The following PNMA3 variants were observed in gnomAD, a reference collection of about 807,000 sequenced individuals.
The protein encoded by PNMA3 is PNMA family member 3, also known as paraneoplastic antigen Ma3.
A neutral mutation model predicts 25.1 loss-of-function variants in PNMA3; 10 were observed. The ratio of observed to expected loss-of-function variants is 0.40; its 90% confidence interval spans 0.25 to 0.68. PNMA3 has a LOEUF of 0.68. Ranked by LOEUF, PNMA3 falls within the 30% of genes least tolerant of loss-of-function variation. The pLI, the probability that PNMA3 is intolerant of heterozygous loss-of-function variation, is 0.40. For missense variants in PNMA3, 317 were observed against 372.1 expected (o/e 0.85, Z 1.22); for synonymous variants, 134 against 148.7 (o/e 0.90, Z 0.72).
In PNMA3 at chrX:153,057,442, T is replaced by C. The variant is rs913924404; in HGVS notation, c.387T>C (p.Asn129=). ...DMNRVLGSDT[N]CSAPRVTISP... ...ACCGAGTCCTCGGGTCGGACACCAA[T>C]TGTTCGGCTCCAAGAGTGACTATAT... Residue 129 remains asparagine (N), a synonymous_variant, in exon 2 of 2, where the codon AAT becomes AAC. Transcript: ENST00000593810. 6.6e-6 allele frequency: 8 copies of C among 1,210,279 alleles called. No individual in the cohort carries two copies. Among genetic ancestry groups the C allele is most frequent in the Admixed American group, 2.2e-5 (1 of 46,027 alleles).
chrX:153,056,709 A>C, intron 1 of PNMA3, 71 bp downstream of exon 1: 2 of 158,427 alleles, frequency 1.3e-5, no homozygotes, highest in Non-Finnish European at 2.4e-5. Flanking sequence ...TGTCCGCCCT[A>C]TCAGAACTGA....
At position 153,057,882 on chromosome X, in the gene PNMA3, A is replaced by G. The variant is rs782675906; in HGVS notation, c.827A>G (p.Gln276Arg). The G allele has an allele frequency of 1.6e-6, 2 of 1,212,613 alleles. No homozygotes were observed. Among genetic ancestry groups the G allele is most frequent in the South Asian group, 1.8e-5 (1 of 57,042 alleles). Residue 276 changes from glutamine (Q) to arginine (R), a missense_variant, in exon 2 of 2, where the codon CAA becomes CGA. Coordinates refer to ENST00000593810, the MANE Select transcript of PNMA3 (RefSeq NM_013364.6). ...SFVLRLEPLL[Q>R]RAVENNVVSR... ...GTGTTACGTTTGGAACCCCTGCTCC[A>G]AAGAGCTGTAGAAAACAATGTGGTA...
Position 153,057,392 on chromosome X carries a change from G to A in PNMA3, c.337G>A (p.Glu113Lys). 1 of 1,212,038 alleles carries A rather than the reference G, an allele frequency of 8.3e-7. No individual in the cohort carries two copies. Among genetic ancestry groups the A allele is most frequent in the Non-Finnish European group, 1.1e-6 (1 of 895,536 alleles). Residue 113 changes from glutamate (E) to lysine (K), a missense_variant, in exon 2 of 2, where the codon GAG (glutamate) becomes AAG (lysine). Physicochemically the swap from Glu to Lys is moderately conservative, Grantham distance 56. Coordinates refer to ENST00000593810, the MANE Select transcript of PNMA3 (RefSeq NM_013364.6). ...LNRLNRFLEE[E>K]RRTVSDMNRV... ...CAGACTGAACCGCTTCTTAGAGGAG[G>A]AGAGGCGGACCGTGTCAGATATGAA...
At position 153,057,022 on chromosome X, in the gene PNMA3, C is replaced by A. The variant is rs73244173; in HGVS notation, c.-34C>A. 0.39 allele frequency: 463,167 copies of A among 1,187,827 alleles called. 67,605 individuals are homozygous for A. The highest frequency in any genetic ancestry group is 0.44 in the Non-Finnish European group (389,777 of 883,749). On this transcript the variant is annotated 5_prime_UTR_variant, in exon 2 of 2. Coordinates refer to ENST00000593810, the MANE Select transcript of PNMA3 (RefSeq NM_013364.6). ...ATATGTGCCTCACGCCCTGATCACT[C>A]CCCCCAAATTAGTATCCGCAGAGAT...
In PNMA3 at chrX:153,058,688, G is replaced by A; in HGVS notation, c.*241G>A. 1 of 991,353 alleles carries A rather than the reference G, an allele frequency of 1.0e-6. No individual in the cohort carries two copies. Among genetic ancestry groups the A allele is most frequent in the African/African-American group, 1.9e-5 (1 of 52,478 alleles). The allele number at this position is 991,353 out of a possible 1,213,427, so 81.7% of individuals were successfully genotyped here. The stretch of plus-strand genomic sequence containing the variant: ...TCCAGGTCCCCGAAGAGGTGCTGGA[G>A]AGGAAAGCAGGGAGCCACTGCATCC... On this transcript the variant is annotated 3_prime_UTR_variant, in exon 2 of 2. Coordinates refer to ENST00000593810, the MANE Select transcript of PNMA3 (RefSeq NM_013364.6).
Position 153,057,190 on chromosome X carries a change from C to G in PNMA3, c.135C>G (p.His45Gln). Residue 45 changes from histidine (H) to glutamine (Q), a missense_variant, in exon 2 of 2, where the codon CAC (histidine) becomes CAG (glutamine). Physicochemically the swap from His to Gln is conservative, Grantham distance 24 (BLOSUM62 0). Transcript: ENST00000593810. ...AGACACTCCAGGAGGCTTGCAGGCA[C>G]CTGGGCAGATACAGGGTGATTGGCA... is the stretch of plus-strand genomic sequence containing the variant. ...FEETLQEACR[H>Q]LGRYRVIGRM... 1 of 1,211,637 alleles carries G rather than the reference C, an allele frequency of 8.3e-7. No homozygotes were observed. The highest frequency in any genetic ancestry group is 1.1e-6 in the Non-Finnish European group (1 of 895,495).
chrX:153,057,775 C>T lies in PNMA3; in HGVS notation c.720C>T (p.Phe240=), dbSNP rs376776291. ...GCCTGGCTGCCTTGCAGCAGGTGTT[C>T]GGACCTGTGGAGAGCCATAAAATTG... ...EECLAALQQV[F]GPVESHKIAQ... is the part of the protein sequence containing the mutation. Residue 240 remains phenylalanine (F), a synonymous_variant, in exon 2 of 2, where the codon TTC becomes TTT. Transcript: ENST00000593810. 3.9e-5 allele frequency: 47 copies of T among 1,210,999 alleles called. No homozygotes were observed. Among genetic ancestry groups the T allele is most frequent in the Non-Finnish European group, 4.9e-5 (44 of 895,430 alleles).
rs2051152264 is a variant in PNMA3, at chrX:153,057,580, A to G, written c.525A>G (p.Pro175=). ...RVFSGNTISI[P]GALAFDAWLE... is the part of the protein sequence containing the mutation. ...TTTCTGGGAACACCATATCCATCCC[A>G]GGTGCACTGGCCTTTGATGCCTGGC... Residue 175 remains proline, a synonymous_variant, in exon 2 of 2, where the codon CCA becomes CCG. Transcript: ENST00000593810. 2 of 1,211,577 alleles carry G rather than the reference A, an allele frequency of 1.7e-6. No homozygotes were observed. The highest frequency in any genetic ancestry group is 1.1e-6 in the Non-Finnish European group (1 of 895,484).
chrX:153,059,075 C>T lies in PNMA3; in HGVS notation c.*628C>T, dbSNP rs939417566. Reference sequence around the variant, plus strand: ...GTGAGGACAGGAGACCCTAAGGCCCCGGGAGCCCAGTGCCAGCCAGAGGTT... The same window carrying T: ...GTGAGGACAGGAGACCCTAAGGCCCTGGGAGCCCAGTGCCAGCCAGAGGTT... On this transcript the variant is annotated 3_prime_UTR_variant, in exon 2 of 2. Transcript: ENST00000593810. 5.4e-5 allele frequency: 7 copies of T among 129,168 alleles called. No individual in the cohort carries two copies. The highest frequency in any genetic ancestry group is 1.1e-4 in the Non-Finnish European group (6 of 56,818). 10.6% of individuals were successfully genotyped at this position (129,168 alleles called of 1,213,427 possible). A position where few individuals can be genotyped will look rare whatever the true frequency, so the allele number is the denominator to read the frequency against.
rs781819131 is a variant in PNMA3 at position 153,058,186 on chromosome X, G to A, written c.1131G>A (p.Ala377=). The A allele has an allele frequency of 1.1e-5, 13 of 1,210,789 alleles. No individual in the cohort carries two copies. The East Asian group carries it at 1.5e-4, about 14-fold the overall frequency. ...CTGCCTCTGGCAACAGTTTTGATGC[G>A]AGGCCTTCCCAGGGCTACCGGCGCC... The part of the protein sequence containing the change: ...PLPASGNSFD[A]RPSQGYRRRR... The change falls in exon 2 of 2, where the codon GCG becomes GCA. Residue 377 remains alanine (A), a synonymous_variant. Transcript: ENST00000593810.
chrX:153,059,232 G>GGAA lies in PNMA3; in HGVS notation c.*786_*788dup, dbSNP rs2051165585. On this transcript the variant is annotated 3_prime_UTR_variant, in exon 2 of 2. Coordinates refer to ENST00000593810, the MANE Select transcript of PNMA3 (RefSeq NM_013364.6). Reference sequence around the variant, plus strand: ...GGGAAGTCTTTGTTGCAAAGGAGGAGGAAAAGGGAGGACTTGGTAGGGTTT... The same window carrying GGAA: ...GGGAAGTCTTTGTTGCAAAGGAGGAGGAAGAAAAGGGAGGACTTGGTAGGGTTT... 1 of 121,825 alleles carries GGAA rather than the reference G, an allele frequency of 8.2e-6. No individual in the cohort carries two copies. The highest frequency in any genetic ancestry group is 3.3e-5 in the African/African-American group (1 of 30,056). 10.0% of individuals were successfully genotyped at this position (121,825 alleles called of 1,213,427 possible).
Position 153,058,730 on chromosome X carries a change from G to A in PNMA3, c.*283G>A. Reference sequence around the variant, plus strand: ...ACTGCATCCAGCACATGGGGTGCCTGGGCCTCAGATGGGGACCCCAAAGAA... The same window carrying A: ...ACTGCATCCAGCACATGGGGTGCCTAGGCCTCAGATGGGGACCCCAAAGAA... On this transcript the variant is annotated 3_prime_UTR_variant, in exon 2 of 2. Transcript: ENST00000593810. 1.4e-6 allele frequency: 1 copy of A among 719,272 alleles called. No individual in the cohort carries two copies. The highest frequency in any genetic ancestry group is 2.0e-6 in the Non-Finnish European group (1 of 494,598). 59.3% of individuals were successfully genotyped at this position (719,272 alleles called of 1,213,427 possible).
chrX:153,057,631 G>T lies in PNMA3; in HGVS notation c.576G>T (p.Gln192His). 2.5e-6 allele frequency: 3 copies of T among 1,211,653 alleles called. No homozygotes were observed. The highest frequency in any genetic ancestry group is 3.4e-6 in the Non-Finnish European group (3 of 895,465). ...AWLEHTTEMLQMWQVPEGEKR... is the reference protein window; with the variant it reads ...AWLEHTTEMLHMWQVPEGEKR... ...TTGAGCACACCACTGAGATGCTACA[G>T]ATGTGGCAGGTGCCCGAGGGGGAAA... The change falls in exon 2 of 2, where the codon CAG (glutamine) becomes CAT (histidine). Residue 192 changes from glutamine (Q) to histidine (H), a missense_variant. By Grantham distance (24) the Gln-to-His change is conservative (BLOSUM62 0). Transcript: ENST00000593810.
Position 153,057,122 on chromosome X carries a change from A to G in PNMA3, c.67A>G (p.Ile23Val). ...EHLNTRRCML[I>V]LGIPEDCGED... ...CCTGAACACCCGGAGGTGCATGCTC[A>G]TCCTGGGGATCCCCGAGGACTGTGG... The change falls in exon 2 of 2, where the codon ATC becomes GTC. Residue 23 changes from isoleucine to valine, a missense_variant. Transcript: ENST00000593810. 2 of 1,211,708 alleles carry G rather than the reference A, an allele frequency of 1.7e-6. No individual in the cohort carries two copies.
chrX:153,056,555 T>TCCGCCG lies in PNMA3; in HGVS notation c.-173_-168dup, dbSNP rs1205578695. On this transcript the variant is annotated 5_prime_UTR_variant, in exon 1 of 2. Coordinates refer to ENST00000593810, the MANE Select transcript of PNMA3 (RefSeq NM_013364.6). ...GGGAGCCAGGGGTGCCCGACCCCCGTCCGCCGCCGCCGCCGCCGCCGCGCA... is the reference window on the plus strand; with the variant it reads ...GGGAGCCAGGGGTGCCCGACCCCCGTCCGCCGCCGCCGCCGCCGCCGCCGCCGCGCA... The TCCGCCG allele has an allele frequency of 7.4e-5, 9 of 121,939 alleles. No homozygotes were observed. Among genetic ancestry groups the TCCGCCG allele is most frequent in the South Asian group, 2.6e-4 (1 of 3,866 alleles). The allele number at this position is 121,939 out of a possible 1,213,427, so 10.0% of individuals were successfully genotyped here.
In PNMA3 at chrX:153,057,227, A is replaced by C. The variant is rs1235034270; in HGVS notation, c.172A>C (p.Arg58=). 2 of 1,211,614 alleles carry C rather than the reference A, an allele frequency of 1.7e-6. No individual in the cohort carries two copies. The highest frequency in any genetic ancestry group is 1.1e-6 in the Non-Finnish European group (1 of 895,478). The change falls in exon 2 of 2, where the codon AGG becomes CGG. Residue 58 remains arginine, a synonymous_variant. Coordinates refer to ENST00000593810, the MANE Select transcript of PNMA3 (RefSeq NM_013364.6). ...CAGGGTGATTGGCAGGATGTTTAGG[A>C]GGGAGGAGAACGCCCAGGCGATTCT... ...RYRVIGRMFR[R]EENAQAILLE...
chrX:153,056,904 G>A (rs782698430), intron 1 of PNMA3, 46 bp from the exon 2 acceptor site: 3 of 759,381 alleles, frequency 4.0e-6, no homozygotes, highest in South Asian at 7.1e-5. Flanking sequence ...GTGGGCGTGC[G>A]GAGAGGTGGG....
chrX:153,058,818 C>T lies in PNMA3; in HGVS notation c.*371C>T, dbSNP rs1483945753. 2 of 414,398 alleles carry T rather than the reference C, an allele frequency of 4.8e-6. No homozygotes were observed. The highest frequency in any genetic ancestry group is 4.2e-5 in the Admixed American group (1 of 23,784). The allele number at this position is 414,398 out of a possible 1,213,427, so 34.2% of individuals were successfully genotyped here. A position where few individuals can be genotyped will look rare whatever the true frequency, so the allele number is the denominator to read the frequency against. ...TGCTCATCCAACCACCCCTAAATACCCACCCTGTGGACTTTGAGCTGAACA... is the reference window on the plus strand; with the variant it reads ...TGCTCATCCAACCACCCCTAAATACTCACCCTGTGGACTTTGAGCTGAACA... On this transcript the variant is annotated 3_prime_UTR_variant, in exon 2 of 2. Transcript: ENST00000593810.
At chrX:153,056,921 CCTCGCT>C (rs1556931989) in intron 1 of PNMA3, 23 bp from the exon 2 acceptor site, 1 of 917,146 alleles carries the variant, frequency 1.1e-6, no homozygotes, top group Non-Finnish European at 1.5e-6. Flanking sequence ...TGGGCATTAA[CCTCGCT>C]CTCGCCCTGC....
Sources: allele counts gnomAD v4.1 joint callset, GRCh38; gene constraint gnomAD v4.1.1; transcripts MANE v1.5; gene names NCBI Gene and HGNC (gene_info 2026-07-23, HGNC 2026-07-21).